ST18: variants seen among roughly 807,000 people sequenced by gnomAD.
The protein encoded by ST18 is suppression of tumorigenicity 18 protein.
In ST18, 50 loss-of-function variants were observed where a neutral mutation model predicts 110.0. The ratio of observed to expected loss-of-function variants is 0.45; its 90% CI spans 0.36 to 0.58. The LOEUF is 0.58. Among genes scored for constraint, ST18 ranks in the 20% least tolerant of loss-of-function variants. The probability of loss-of-function intolerance (pLI) is 0.00; values close to 1 mark genes in which losing one functional copy is unlikely to be tolerated. For synonymous variants in ST18, 461 were observed against 452.4 expected (o/e 1.02, Z -0.24); for missense variants, 1,306 against 1,280.1 (o/e 1.02, Z -0.31).
chr8:52,137,390 A>C (rs1454823473), intron 18 of ST18, 31 bp downstream of exon 18: 1 of 1,612,786 alleles, frequency 6.2e-7, no homozygotes, highest in Non-Finnish European at 8.5e-7. Flanking sequence ...AAGACCATGA[A>C]AATCTGACTG....
intron 2 of ST18, chr8:52,301,913 G>A (rs2095730084): frequency 6.6e-6 from 1 of 152,240 alleles, no homozygotes; most frequent in Non-Finnish European, 1.5e-5. Context: ...AGGTGGCGTG[G>A]GCACTCCCTG....
At chr8:52,383,692 C>T (rs937163609) in intron 2 of ST18, among the ~76,000 whole-genome samples, 9 of 152,058 alleles carry the variant, frequency 5.9e-5, no homozygotes, top group African/African-American at 2.2e-4. Flanking sequence ...CGTGATCCAC[C>T]CGCCTTGGCT....
At chr8:52,390,243 C>G (rs190553832) in intron 2 of ST18, among the ~76,000 whole-genome samples, 1 of 152,246 alleles carries the variant, frequency 6.6e-6, no homozygotes, top group Admixed American at 6.5e-5. Flanking sequence ...CCTCCCTTCC[C>G]GTTATCTCCC....
At chr8:52,264,600 C>G (rs958648322) in intron 2 of ST18, among the ~76,000 whole-genome samples, 1 of 152,172 alleles carries the variant, frequency 6.6e-6, no homozygotes, top group African/African-American at 2.4e-5. Context: ...TGAAACCTGA[C>G]TTTTGTCCTC....
intron 23 of ST18, 66 bp downstream of exon 23, chr8:52,125,986 G>A (rs1221130083): frequency 1.6e-6 from 2 of 1,268,700 alleles, no homozygotes; most frequent in African/African-American, 1.5e-5. Flanking sequence ...TTGACACACG[G>A]AACGCTTTGG....
In ST18 at chr8:52,375,900, G is replaced by A. The variant is rs570133614; in HGVS notation, c.-465+33428C>T. On this transcript the variant is annotated intron_variant, in intron 2 of 25. Transcript: ENST00000689386. The stretch of plus-strand genomic sequence containing the variant: ...ATATTAAGAGAGGCCACTTCCTCCC[G>A]TTAATTGCTCAAATCAAAAGCTAGG... 1.4e-3 allele frequency among the ~76,000 whole-genome samples: 219 copies of A among 152,180 alleles called. 1 individual carries two copies. Among genetic ancestry groups the A allele is most frequent in the African/African-American group, 4.9e-3 (203 of 41,538 alleles).
chr8:52,128,340 A>G (rs2047916597), intron 22 of ST18, among the ~76,000 whole-genome samples: 1 of 152,232 alleles, frequency 6.6e-6, no homozygotes, highest in South Asian at 2.1e-4. Context: ...TCTCGTGAAC[A>G]TAATTGCTTA....
chr8:52,188,958 C>T (rs187199434), intron 8 of ST18, among the ~76,000 whole-genome samples: 8 of 152,088 alleles, frequency 5.3e-5, no homozygotes, highest in East Asian at 1.9e-4. Flanking sequence ...AACTGGAGCA[C>T]GTTAAACTTG....
intron 2 of ST18, among the ~76,000 whole-genome samples, chr8:52,376,530 T>C (rs1484244084): frequency 6.6e-6 from 1 of 152,204 alleles, no homozygotes; most frequent in African/African-American, 2.4e-5. Flanking sequence ...GATTCCCCTA[T>C]CTGCCCTACT....
At chr8:52,352,198 G>A (rs1820680055) in intron 2 of ST18, among the ~76,000 whole-genome samples, 1 of 152,154 alleles carries the variant, frequency 6.6e-6, no homozygotes, top group Admixed American at 6.5e-5. Flanking sequence ...TCTGCTAAGA[G>A]TGACTCTTGA....
At chr8:52,188,332 G>C (rs2073169260) in intron 8 of ST18, among the ~76,000 whole-genome samples, 1 of 152,220 alleles carries the variant, frequency 6.6e-6, no homozygotes, top group South Asian at 2.1e-4. Context: ...AAGGAGGTTA[G>C]ATAAGGGAGA....
intron 6 of ST18, among the ~76,000 whole-genome samples, chr8:52,215,113 G>T (rs571443453): frequency 1.3e-5 from 2 of 152,114 alleles, no homozygotes; most frequent in South Asian, 4.1e-4. Flanking sequence ...CAGAAGGTGC[G>T]CTCAGTGGCT....
chr8:52,251,068 A>G (rs1027484943), intron 2 of ST18, among the ~76,000 whole-genome samples: 26 of 152,122 alleles, frequency 1.7e-4, no homozygotes, highest in African/African-American at 6.3e-4. Context: ...CGTGGCAGAG[A>G]AGTTGGGAGA....
intron 2 of ST18, among the ~76,000 whole-genome samples, chr8:52,379,347 C>T (rs1833649111): frequency 1.3e-5 from 2 of 150,392 alleles, no homozygotes; most frequent in East Asian, 1.9e-4. Context: ...AACCACCTGC[C>T]TTGGCCTCCC....
At chr8:52,336,822 CCA>C (rs1812318795) in intron 2 of ST18, among the ~76,000 whole-genome samples, 1 of 152,168 alleles carries the variant, frequency 6.6e-6, no homozygotes, top group Admixed American at 6.5e-5. Flanking sequence ...TTAAAAAAGA[CCA>C]CACTTTCTGA....
intron 2 of ST18, among the ~76,000 whole-genome samples, chr8:52,351,747 T>C (rs1259889164): frequency 1.3e-5 from 2 of 152,172 alleles, no homozygotes; most frequent in Non-Finnish European, 2.9e-5. Flanking sequence ...TTCTTTAAAC[T>C]TGAAATTAAA....
intron 8 of ST18, among the ~76,000 whole-genome samples, chr8:52,211,238 T>C (rs1204267964): frequency 2.6e-5 from 4 of 152,088 alleles, no homozygotes; most frequent in African/African-American, 9.7e-5. Flanking sequence ...CCTGTTAAGG[T>C]GGAATTTTCA....
At chr8:52,367,350 A>T (rs1043680476) in intron 2 of ST18, among the ~76,000 whole-genome samples, 1 of 151,842 alleles carries the variant, frequency 6.6e-6, no homozygotes, top group Non-Finnish European at 1.5e-5. Flanking sequence ...TGAACCCGGG[A>T]GGCGGAGGTT....
At chr8:52,264,209 G>T (rs536207608) in intron 2 of ST18, among the ~76,000 whole-genome samples, 2 of 152,148 alleles carry the variant, frequency 1.3e-5, no homozygotes, top group African/African-American at 2.4e-5. Flanking sequence ...GTGTTTTAGG[G>T]TATGGTGTCC....
Sources: gnomAD v4.1 joint callset for allele counts (sites outside exome capture counted in the v4.1 genomes callset) on GRCh38, gnomAD v4.1.1 for gene constraint, MANE v1.5 for transcripts, NCBI Gene and HGNC (gene_info 2026-07-23, HGNC 2026-07-21) for gene names.